NEU3: variants seen among roughly 807,000 people sequenced by gnomAD.
NEU3 encodes neuraminidase 3.
A neutral mutation model predicts 11.4 loss-of-function variants in NEU3; 10 were observed. The ratio of observed to expected loss-of-function variants is 0.88; its 90% CI spans 0.54 to 1.49. NEU3 has a LOEUF of 1.49. Ranked by LOEUF, NEU3 falls within the 40% of genes most tolerant of loss-of-function variation. The pLI is 0.00. For missense variants in NEU3, 529 were observed against 581.8 expected (o/e 0.91, Z 0.93); for synonymous variants, 212 against 228.2 (o/e 0.93, Z 0.64).
At chr11:74,995,085 T>A (rs1948775499) in intron 2 of NEU3, 7 of 532,380 alleles carry the variant, frequency 1.3e-5, no homozygotes, top group Non-Finnish European at 2.3e-5. Context: ...TCAGCTAACG[T>A]ATGATGTGCC....
In NEU3 at chr11:75,001,949, T is replaced by C. The variant is rs1261850978; in HGVS notation, c.307-3464T>C. Among the ~76,000 whole-genome samples, 7 of 152,328 alleles carry C rather than the reference T, an allele frequency of 4.6e-5. No individual in the cohort carries two copies. In the South Asian group the frequency reaches 1.5e-3, roughly 32 times the overall value. On this transcript the variant is annotated intron_variant, in intron 2 of 2. Transcript: ENST00000294064. ...AGAGATCTTGAATTCCCTGTTGAAC[T>C]AGCTTAGTTCAAGGACGGAATGGTC...
intron 1 of NEU3, among the ~76,000 whole-genome samples, chr11:74,993,060 T>C (rs971856950): frequency 8.6e-5 from 13 of 151,946 alleles, no homozygotes; most frequent in African/African-American, 3.1e-4. Flanking sequence ...AAAACCAGAG[T>C]GGTTAGCTCC....
At chr11:75,017,316 T>C (rs1265162420) in intron 3 of NEU3, among the ~76,000 whole-genome samples, 1 of 152,118 alleles carries the variant, frequency 6.6e-6, no homozygotes, top group Admixed American at 6.5e-5. Flanking sequence ...ACACTTATAC[T>C]TGCTAAGGTG....
chr11:74,992,787 C>T (rs1318033015), intron 1 of NEU3, among the ~76,000 whole-genome samples: 2 of 152,028 alleles, frequency 1.3e-5, no homozygotes, highest in Non-Finnish European at 2.9e-5. Context: ...TGGTGAAACC[C>T]GTCTCTGCTA....
chr11:75,002,247 C>G (rs1240165821), intron 2 of NEU3, among the ~76,000 whole-genome samples: 2 of 152,154 alleles, frequency 1.3e-5, no homozygotes, highest in Non-Finnish European at 2.9e-5. Flanking sequence ...GAGATAAGGA[C>G]CCACTATGTT....
chr11:74,995,952 A>C (rs1948786754), intron 2 of NEU3, among the ~76,000 whole-genome samples: 1 of 152,076 alleles, frequency 6.6e-6, no homozygotes. Flanking sequence ...TCAGGAGTTC[A>C]AGACTGGCCT....
chr11:74,991,509 T>C (rs1376330710), intron 1 of NEU3, among the ~76,000 whole-genome samples: 1 of 152,244 alleles, frequency 6.6e-6, no homozygotes, highest in Admixed American at 6.5e-5. Flanking sequence ...TTCACTGTCC[T>C]GAAAGCTTCC....
At chr11:74,985,578 G>A (rs1012057247), upstream of NEU3, among the ~76,000 whole-genome samples, 4 of 85,116 alleles carry the variant, frequency 4.7e-5, no homozygotes, top group African/African-American at 6.7e-5. Flanking sequence ...AACAACCCCT[G>A]TGTTCAGGTA....
upstream of NEU3, among the ~76,000 whole-genome samples, chr11:74,985,136 T>A (rs1214712264): frequency 2.6e-5 from 4 of 152,176 alleles, no homozygotes; most frequent in Non-Finnish European, 4.4e-5. Context: ...AAATTTGAGA[T>A]CCACAGAGTT....
chr11:75,020,114 A>G (rs768033361), downstream of NEU3, among the ~76,000 whole-genome samples: 13 of 152,250 alleles, frequency 8.5e-5, no homozygotes, highest in Non-Finnish European at 1.8e-4. Flanking sequence ...TCGGACTTGC[A>G]TGGGCCCTGT....
At chr11:75,012,904 A>G (rs1157348868), downstream of NEU3, among the ~76,000 whole-genome samples, 2 of 152,220 alleles carry the variant, frequency 1.3e-5, no homozygotes, top group African/African-American at 4.8e-5. Context: ...AGGCAACACA[A>G]TCACAGGTTG....
downstream of NEU3, among the ~76,000 whole-genome samples, chr11:75,013,437 C>T (rs913577271): frequency 1.3e-5 from 2 of 152,218 alleles, no homozygotes; most frequent in Non-Finnish European, 2.9e-5. Flanking sequence ...GGGAGGAAGG[C>T]AGGGCCCACT....
chr11:75,014,421 G>A (rs1211356982), downstream of NEU3, among the ~76,000 whole-genome samples: 1 of 152,156 alleles, frequency 6.6e-6, no homozygotes, highest in Non-Finnish European at 1.5e-5. Flanking sequence ...TGTACCCAGT[G>A]ACTAGGTCTC....
chr11:74,988,898 C>G, upstream of NEU3: 3 of 637,760 alleles, frequency 4.7e-6, no homozygotes, highest in Non-Finnish European at 8.2e-6. Flanking sequence ...ACAGCCTGCG[C>G]CCGCCTCTTT....
chr11:74,990,973 G>A (rs529294797), intron 1 of NEU3, among the ~76,000 whole-genome samples: 1 of 152,290 alleles, frequency 6.6e-6, no homozygotes, highest in Admixed American at 6.5e-5. Flanking sequence ...GTCATATATT[G>A]CACTCATACT....
downstream of NEU3, among the ~76,000 whole-genome samples, chr11:75,013,193 C>T (rs948103009): frequency 6.6e-6 from 1 of 152,192 alleles, no homozygotes; most frequent in East Asian, 1.9e-4. Context: ...CACTGGCCCT[C>T]CTGGGAACCA....
Position 75,005,777 on chromosome 11 carries a change from A to G in NEU3, c.671A>G (p.Gln224Arg). The change falls in exon 3 of 3, where the codon CAG (glutamine) becomes CGG (arginine). Residue 224 changes from glutamine to arginine, a missense_variant. Gln to Arg is a conservative substitution (Grantham distance 43). Coordinates refer to ENST00000294064, the MANE Select transcript of NEU3 (RefSeq NM_006656.6). ...YYIPSWFFCF[Q>R]LPCKTRPHSL... ...ATCCCTTCCTGGTTCTTTTGCTTCC[A>G]GCTACCATGTAAAACCAGGCCTCAT... 4.3e-6 allele frequency: 7 copies of G among 1,613,910 alleles called. No homozygotes were observed. Among genetic ancestry groups the G allele is most frequent in the Non-Finnish European group, 5.9e-6 (7 of 1,179,806 alleles).
At position 74,994,609 on chromosome 11, in the gene NEU3, AC is replaced by A. The variant is rs552706985; in HGVS notation, c.201del (p.Thr68ProfsTer24). The A allele has an allele frequency of 9.9e-5, 160 of 1,613,332 alleles. 2 individuals are homozygous for A. The South Asian group carries it at 1.7e-3, about 17-fold the overall frequency. Reference sequence around the variant, plus strand: ...ACCGGATCCCAGCCCTGCTCTACATACCCCCCACCCACACCTTCCTGGCCTT... The same window carrying A: ...ACCGGATCCCAGCCCTGCTCTACATACCCCCACCCACACCTTCCTGGCCTT... ...TYRIPALLYI[P>X]PTHTFLAFAE... On this transcript the variant is annotated frameshift_variant, in exon 2 of 3. Coordinates refer to ENST00000294064, the MANE Select transcript of NEU3 (RefSeq NM_006656.6). LOFTEE classifies it high-confidence loss of function.
chr11:74,986,898 G>A (rs1469622081), upstream of NEU3, among the ~76,000 whole-genome samples: 1 of 152,004 alleles, frequency 6.6e-6, no homozygotes, highest in Non-Finnish European at 1.5e-5. Context: ...CCTGGTATAG[G>A]GTCTTTATTT....
Sources: allele counts gnomAD v4.1 joint callset (sites outside exome capture counted in the v4.1 genomes callset), GRCh38; gene constraint gnomAD v4.1.1; transcripts MANE v1.5; gene names NCBI Gene and HGNC (gene_info 2026-07-23, HGNC 2026-07-21).